PLCE1: variants seen among roughly 807,000 people sequenced by gnomAD.
The protein encoded by PLCE1 is 1-phosphatidylinositol 4,5-bisphosphate phosphodiesterase epsilon-1.
A neutral mutation model predicts 242.8 loss-of-function variants in PLCE1; 119 were observed. The observed-to-expected ratio is 0.49, with a 90% CI of 0.42 to 0.57. The LOEUF is 0.57. Ranked by LOEUF, PLCE1 falls within the 20% of genes least tolerant of loss-of-function variation. The probability of loss-of-function intolerance (pLI) is 0.00; values close to 1 mark genes in which losing one functional copy is unlikely to be tolerated. For synonymous variants in PLCE1, 945 were observed against 1,017.4 expected, an observed-to-expected ratio of 0.93 and a Z score of 1.35; for missense variants, 2,441 against 2,788.8, an observed-to-expected ratio of 0.88 and a Z score of 2.81.
In PLCE1 at chr10:94,259,006, T is replaced by A; in HGVS notation, c.3678-8T>A. The A allele has an allele frequency of 6.2e-7, 1 of 1,614,106 alleles. No homozygotes were observed. The highest frequency in any genetic ancestry group is 8.5e-7 in the Non-Finnish European group (1 of 1,179,994). On this transcript the variant is annotated splice_region_variant and splice_polypyrimidine_tract_variant and intron_variant, in intron 12 of 32. Transcript: ENST00000371380. ...CTCAATGAGAGGTGTTTTCCATTCC[T>A]CATTCAGTGTCAGGAGCCGCAAGGA...
intron 27 of PLCE1, among the ~76,000 whole-genome samples, chr10:94,309,515 G>T (rs2053315424): frequency 6.6e-6 from 1 of 152,010 alleles, no homozygotes; most frequent in East Asian, 2.0e-4. Context: ...CTATAGAGAT[G>T]GGGTCTCACT....
chr10:94,301,599 T>TG (rs1233903372), intron 24 of PLCE1, among the ~76,000 whole-genome samples: 5 of 152,194 alleles, frequency 3.3e-5, no homozygotes, highest in Admixed American at 6.5e-5. Flanking sequence ...TGGGTGTCCA[T>TG]GGACTTATGG....
intron 2 of PLCE1, among the ~76,000 whole-genome samples, chr10:94,131,310 C>A (rs1298699518): frequency 6.6e-6 from 1 of 152,118 alleles, no homozygotes; most frequent in Non-Finnish European, 1.5e-5. Context: ...TTATAATTTT[C>A]AGGCCTCATC....
intron 2 of PLCE1, among the ~76,000 whole-genome samples, chr10:94,076,851 C>T (rs921014879): frequency 2.6e-5 from 4 of 152,250 alleles, no homozygotes; most frequent in African/African-American, 7.2e-5. Context: ...AGACTCCTCC[C>T]GTCCCACCCG....
In PLCE1 at chr10:94,273,450, T is replaced by C. The variant is rs572214617; in HGVS notation, c.4507-112T>C. 22 of 1,090,082 alleles carry C rather than the reference T, an allele frequency of 2.0e-5. No individual in the cohort carries two copies. The East Asian group carries it at 5.7e-4, about 28-fold the overall frequency. 67.5% of individuals were successfully genotyped at this position (1,090,082 alleles called of 1,614,324 possible). On this transcript the variant is annotated intron_variant, in intron 18 of 32. Transcript: ENST00000371380. ...CTTTCCTAGTTCCTCTTCCTAAGAC[T>C]TTTTAAATAATTCAACCAGTCTAAA... is the stretch of plus-strand genomic sequence containing the variant.
chr10:94,093,652 CA>C (rs2045167382), intron 2 of PLCE1, among the ~76,000 whole-genome samples: 1 of 152,200 alleles, frequency 6.6e-6, no homozygotes, highest in Non-Finnish European at 1.5e-5. Flanking sequence ...GCCCTGCTCC[CA>C]TTTATCTCAG....
chr10:94,017,242 A>G (rs1285486076), intron 1 of PLCE1, among the ~76,000 whole-genome samples: 3 of 152,226 alleles, frequency 2.0e-5, no homozygotes, highest in African/African-American at 7.2e-5. Context: ...CCAGAAAAAT[A>G]GCAAAAGTGC....
intron 7 of PLCE1, among the ~76,000 whole-genome samples, chr10:94,241,133 A>AT (rs761053898): frequency 6.6e-6 from 1 of 152,206 alleles, no homozygotes; most frequent in Non-Finnish European, 1.5e-5. Flanking sequence ...AATTATTACC[A>AT]TCTGGCATTA....
intron 2 of PLCE1, among the ~76,000 whole-genome samples, chr10:94,059,092 G>GT (rs1271260152): frequency 1.3e-5 from 2 of 152,180 alleles, no homozygotes; most frequent in Non-Finnish European, 2.9e-5. Flanking sequence ...GAGAAAAGAA[G>GT]TTTGACTGGA....
intron 7 of PLCE1, among the ~76,000 whole-genome samples, chr10:94,236,699 T>C (rs1322742660): frequency 6.6e-6 from 1 of 152,226 alleles, no homozygotes; most frequent in African/African-American, 2.4e-5. Flanking sequence ...GGTTTTTAAA[T>C]TGCTCAGTAA....
chr10:94,228,972 A>G (rs2050047560), intron 5 of PLCE1, among the ~76,000 whole-genome samples: 1 of 152,162 alleles, frequency 6.6e-6, no homozygotes, highest in Non-Finnish European at 1.5e-5. Context: ...ACCTGAGGTC[A>G]GGAGTTTGAG....
At chr10:94,210,922 C>G (rs1167943366) in intron 4 of PLCE1, among the ~76,000 whole-genome samples, 1 of 152,238 alleles carries the variant, frequency 6.6e-6, no homozygotes, top group Non-Finnish European at 1.5e-5. Context: ...CTCCTCTGCC[C>G]TTTCCCTTCT....
chr10:94,163,271 T>A (rs1245071675), intron 3 of PLCE1, among the ~76,000 whole-genome samples: 2 of 152,178 alleles, frequency 1.3e-5, no homozygotes, highest in African/African-American at 4.8e-5. Context: ...AAGTCTCCCA[T>A]TATTATTGTG....
intron 2 of PLCE1, among the ~76,000 whole-genome samples, chr10:94,096,201 G>A (rs1590009455): frequency 6.6e-6 from 1 of 152,052 alleles, no homozygotes; most frequent in East Asian, 1.9e-4. Context: ...TGGAGACTAG[G>A]TACCTCTACC....
intron 4 of PLCE1, among the ~76,000 whole-genome samples, chr10:94,224,323 T>G (rs1223145843): frequency 6.6e-6 from 1 of 152,212 alleles, no homozygotes; most frequent in Non-Finnish European, 1.5e-5. Flanking sequence ...GGATGAGTGA[T>G]CAGGATTGTG....
intron 1 of PLCE1, among the ~76,000 whole-genome samples, chr10:93,997,632 C>CTTTTTTTTTTT (rs34338995): frequency 3.8e-5 from 3 of 79,872 alleles, no homozygotes; most frequent in Non-Finnish European, 4.4e-5. Context: ...AATAACCATC[C>CTTTTTTTTTTT]TTTTTTTTTT....
At chr10:94,112,115 A>G (rs542123918) in intron 2 of PLCE1, among the ~76,000 whole-genome samples, 1 of 152,248 alleles carries the variant, frequency 6.6e-6, no homozygotes, top group Admixed American at 6.5e-5. Flanking sequence ...AATTTCCATG[A>G]TTTTTGTCCC....
chr10:94,244,449 T>C (rs1249225869), intron 7 of PLCE1, among the ~76,000 whole-genome samples: 1 of 152,216 alleles, frequency 6.6e-6, no homozygotes. Context: ...CTTGGGCAGG[T>C]TCCTGCCAAG....
At chr10:94,073,419 A>G (rs551480076) in intron 2 of PLCE1, among the ~76,000 whole-genome samples, 43 of 152,290 alleles carry the variant, frequency 2.8e-4, no homozygotes, top group African/African-American at 8.7e-4. Flanking sequence ...GCTTCATGGA[A>G]AGTGGGGCTT....
Sources: gnomAD v4.1 joint callset for allele counts (sites outside exome capture counted in the v4.1 genomes callset) on GRCh38, gnomAD v4.1.1 for gene constraint, MANE v1.5 for transcripts, NCBI Gene and HGNC (gene_info 2026-07-23, HGNC 2026-07-21) for gene names.